AEBP1: variants seen among roughly 807,000 people sequenced by gnomAD.
AEBP1 encodes the protein AE binding protein 1.
In AEBP1, 69 loss-of-function variants were observed where a neutral mutation model predicts 116.5. That is an observed-to-expected ratio of 0.59 (90% CI 0.49 to 0.72). AEBP1 has a LOEUF of 0.72. Ranked by LOEUF, AEBP1 falls within the 30% of genes least tolerant of loss-of-function variation. The pLI is 0.00. For synonymous variants in AEBP1, 627 were observed against 627.3 expected, an observed-to-expected ratio of 1.00 and a Z score of 0.01; for missense variants, 1,444 against 1,557.5, an observed-to-expected ratio of 0.93 and a Z score of 1.23.
chr7:44,110,406 G>A, intron 11 of AEBP1, 60 bp downstream of exon 11: 1 of 1,610,204 alleles, frequency 6.2e-7, no homozygotes, highest in Non-Finnish European at 8.5e-7. Flanking sequence ...GCATGGCTCT[G>A]TGTCCCATTA....
rs773629322 is a variant in AEBP1, at chr7:44,112,997, A to G, written c.2576A>G (p.Asn859Ser). 11 of 1,613,886 alleles carry G rather than the reference A, an allele frequency of 6.8e-6. No individual in the cohort carries two copies. Among genetic ancestry groups the G allele is most frequent in the African/African-American group, 2.7e-5 (2 of 74,886 alleles). The change falls in exon 19 of 21, where the codon AAT becomes AGT. Residue 859 changes from asparagine to serine, a missense_variant. Coordinates refer to ENST00000223357, the MANE Select transcript of AEBP1 (RefSeq NM_001129.5). This position sits in a 1 kb window ranked among gnomAD's most constrained non-coding sequence, Gnocchi z 6.6. ...AKWNPRTGTI[N>S]DFSYLHTNCL... ...TGTATCTGTCCCCGGCCAGCTATCA[A>G]TGACTTCAGTTACCTGCATACCAAC...
chr7:44,111,702 C>T lies in AEBP1; in HGVS notation c.1840+72C>T, dbSNP rs778964416. On this transcript the variant is annotated intron_variant, in intron 15 of 20. Transcript: ENST00000223357. This position sits in a 1 kb window ranked among gnomAD's most constrained non-coding sequence, Gnocchi z 4.7. ...AGAGCTCACTGCCTCCCGCCTGTTC[C>T]GGAGCCTCTCTGGGGATTCTGGCTT... The T allele has an allele frequency of 3.3e-5, 52 of 1,590,066 alleles. No individual in the cohort carries two copies. Among genetic ancestry groups the T allele is most frequent in the East Asian group, 1.8e-4 (8 of 44,602 alleles).
intron 7 of AEBP1, 58 bp downstream of exon 7, chr7:44,109,034 G>A: frequency 6.2e-7 from 1 of 1,608,636 alleles, no homozygotes; most frequent in Admixed American, 1.7e-5. Context: ...CCTGGGGCCT[G>A]CCTGATCCAC....
At chr7:44,106,477 C>T in intron 1 of AEBP1, 69 bp from the exon 2 acceptor site, 1 of 1,464,068 alleles carries the variant, frequency 6.8e-7, no homozygotes, top group Non-Finnish European at 9.2e-7. Flanking sequence ...TTCTGGGCAT[C>T]TAGAGAGGGG....
chr7:44,113,531 G>C lies in AEBP1; in HGVS notation c.2810-63G>C. 6.8e-7 allele frequency: 1 copy of C among 1,470,520 alleles called. No homozygotes were observed. The highest frequency in any genetic ancestry group is 9.0e-7 in the Non-Finnish European group (1 of 1,107,352). 91.1% of individuals were successfully genotyped at this position (1,470,520 alleles called of 1,614,324 possible). On this transcript the variant is annotated intron_variant, in intron 20 of 20. Coordinates refer to ENST00000223357, the MANE Select transcript of AEBP1 (RefSeq NM_001129.5). This position sits in a 1 kb window ranked among gnomAD's most constrained non-coding sequence, Gnocchi z 5.3. ...GGAGGGCGGGGCTGGGGGCAGGACT[G>C]AGTGGGAGGGTGGGGGCCTGGGAGG...
In AEBP1 at chr7:44,111,724, G is replaced by A; in HGVS notation, c.1840+94G>A. 1.3e-6 allele frequency: 2 copies of A among 1,569,304 alleles called. No individual in the cohort carries two copies. The highest frequency in any genetic ancestry group is 1.7e-6 in the Non-Finnish European group (2 of 1,157,332). Reference sequence around the variant, plus strand: ...TTCCGGAGCCTCTCTGGGGATTCTGGCTTGTCTTACAGGGCCCTAGGAGCC... The same window carrying A: ...TTCCGGAGCCTCTCTGGGGATTCTGACTTGTCTTACAGGGCCCTAGGAGCC... On this transcript the variant is annotated intron_variant, in intron 15 of 20. Coordinates refer to ENST00000223357, the MANE Select transcript of AEBP1 (RefSeq NM_001129.5). This position sits in a 1 kb window ranked among gnomAD's most constrained non-coding sequence, Gnocchi z 4.7.
In AEBP1 at chr7:44,107,295, C is replaced by A; in HGVS notation, c.596-144C>A. On this transcript the variant is annotated intron_variant, in intron 2 of 20. Transcript: ENST00000223357. This position sits in a 1 kb window ranked among gnomAD's most constrained non-coding sequence, Gnocchi z 4.3. Reference sequence around the variant, plus strand: ...AGCAGGATGCTGAAGGCCAGAGGAGCTCAGGCCTCCTTGGAGTGAGCTCGG... The same window carrying A: ...AGCAGGATGCTGAAGGCCAGAGGAGATCAGGCCTCCTTGGAGTGAGCTCGG... 1 of 771,022 alleles carries A rather than the reference C, an allele frequency of 1.3e-6. No homozygotes were observed. Among genetic ancestry groups the A allele is most frequent in the Non-Finnish European group, 2.1e-6 (1 of 467,714 alleles). 47.8% of individuals were successfully genotyped at this position (771,022 alleles called of 1,614,324 possible).
chr7:44,110,488 C>A, intron 11 of AEBP1, 142 bp downstream of exon 11: 3 of 1,278,518 alleles, frequency 2.3e-6, no homozygotes, highest in Non-Finnish European at 3.2e-6. Flanking sequence ...ACTCACCCTG[C>A]CCATCCCCAC....
chr7:44,112,317 C>G lies in AEBP1; in HGVS notation c.2213C>G (p.Ala738Gly), dbSNP rs1360578790. ...PIPERYLSPD[A>G]TVSTEVRAII... ...CCTGAACGCTACCTTTCGCCAGATG[C>G]CACGGTGAGGCTACAGCCTGGCTGA... Residue 738 changes from alanine (A) to glycine (G), a missense_variant, in exon 17 of 21, where the codon GCC becomes GGC. Coordinates refer to ENST00000223357, the MANE Select transcript of AEBP1 (RefSeq NM_001129.5). The surrounding 1 kb of genome is among the most constrained non-coding windows in gnomAD (Gnocchi z 6.6). 12 of 1,545,798 alleles carry G rather than the reference C, an allele frequency of 7.8e-6. No individual in the cohort carries two copies. Among genetic ancestry groups the G allele is most frequent in the African/African-American group, 2.8e-5 (2 of 72,608 alleles).
Position 44,112,958 on chromosome 7 carries a change from G to C in AEBP1, c.2570-33G>C. 6.2e-7 allele frequency: 1 copy of C among 1,613,040 alleles called. No homozygotes were observed. Among genetic ancestry groups the C allele is most frequent in the African/African-American group, 1.3e-5 (1 of 74,970 alleles). ...TGGGCGGGGCCTGGTCCGGAGAGGGGCTGACTTTGGGTCTGTATCTGTCCC... is the reference window on the plus strand; with the variant it reads ...TGGGCGGGGCCTGGTCCGGAGAGGGCCTGACTTTGGGTCTGTATCTGTCCC... On this transcript the variant is annotated intron_variant, in intron 18 of 20. Transcript: ENST00000223357. The surrounding 1 kb of genome is among the most constrained non-coding windows in gnomAD (Gnocchi z 6.6).
chr7:44,113,161 G>A lies in AEBP1; in HGVS notation c.2709+31G>A, dbSNP rs2096231834. The A allele has an allele frequency of 1.2e-6, 2 of 1,613,604 alleles. No homozygotes were observed. Among genetic ancestry groups the A allele is most frequent in the Middle Eastern group, 1.6e-4 (1 of 6,062 alleles). On this transcript the variant is annotated intron_variant, in intron 19 of 20. Coordinates refer to ENST00000223357, the MANE Select transcript of AEBP1 (RefSeq NM_001129.5). This position sits in a 1 kb window ranked among gnomAD's most constrained non-coding sequence, Gnocchi z 5.3. ...GTGGCTAGGGCAATGCCTGGGGAGA[G>A]GAGGCTGCACAGGCTCCTGGATGGG...
rs765774763 is a variant in AEBP1 at position 44,114,172 on chromosome 7, GAGGAGGAGA to G, written c.3390_3398del (p.Lys1133_Glu1135del). The G allele has an allele frequency of 1.5e-4, 247 of 1,614,044 alleles. 2 individuals carry two copies. The highest frequency in any genetic ancestry group is 1.1e-3 in the African/African-American group (84 of 75,040). ...GGAACCCGAGTTTGAGGAAGAGGAG[GAGGAGGAGA>G]AAGAGGAGGAGATAGCCACTGGCCA... On this transcript the variant is annotated inframe_deletion, in exon 21 of 21. Coordinates refer to ENST00000223357, the MANE Select transcript of AEBP1 (RefSeq NM_001129.5).
At chr7:44,109,211 G>A (rs757250384) in intron 8 of AEBP1, 27 bp downstream of exon 8, 44 of 1,612,954 alleles carry the variant, frequency 2.7e-5, no homozygotes, top group Non-Finnish European at 3.5e-5. Context: ...TGGGGCCTGG[G>A]TCCCTGTGGG....
In AEBP1 at chr7:44,111,002, C is replaced by T; in HGVS notation, c.1575C>T (p.Leu525=). The part of the protein sequence containing the change: ...VVARFIRIYP[L]TWNGSLCMRL... The stretch of plus-strand genomic sequence containing the variant: ...CTCGTTTCATCCGCATCTACCCACT[C>T]ACCTGGAATGGCAGCCTGTGCATGC... Residue 525 remains leucine, a synonymous_variant, in exon 13 of 21, where the codon CTC becomes CTT. Transcript: ENST00000223357. This position sits in a 1 kb window ranked among gnomAD's most constrained non-coding sequence, Gnocchi z 4.7. 2 of 1,613,924 alleles carry T rather than the reference C, an allele frequency of 1.2e-6. No homozygotes were observed. The highest frequency in any genetic ancestry group is 1.7e-6 in the Non-Finnish European group (2 of 1,179,936).
In AEBP1 at chr7:44,108,159, G is replaced by T; in HGVS notation, c.940+75G>T. The stretch of plus-strand genomic sequence containing the variant: ...GGGGCTGGGGTGTGGTCAGGAGCCA[G>T]CTGGGGCAACTCACCCACCTTGCAA... On this transcript the variant is annotated intron_variant, in intron 6 of 20. Transcript: ENST00000223357. The surrounding 1 kb of genome is among the most constrained non-coding windows in gnomAD (Gnocchi z 5.0). 1 of 1,448,512 alleles carries T rather than the reference G, an allele frequency of 6.9e-7. No homozygotes were observed. Among genetic ancestry groups the T allele is most frequent in the Non-Finnish European group, 9.4e-7 (1 of 1,060,090 alleles). 89.7% of individuals were successfully genotyped at this position (1,448,512 alleles called of 1,614,324 possible).
At position 44,111,372 on chromosome 7, in the gene AEBP1, G is replaced by A. The variant is rs1229073041; in HGVS notation, c.1716+133G>A. On this transcript the variant is annotated intron_variant, in intron 14 of 20. Transcript: ENST00000223357. The surrounding 1 kb of genome is among the most constrained non-coding windows in gnomAD (Gnocchi z 4.7). ...GCTGGCTGTCCCTCACCTTAGGAAG[G>A]AGGCCAGTACCTGGGGGCTGCGTGA... The A allele has an allele frequency of 1.4e-6, 2 of 1,416,182 alleles. No homozygotes were observed. Among genetic ancestry groups the A allele is most frequent in the Admixed American group, 2.8e-5 (1 of 35,270 alleles). 87.7% of individuals were successfully genotyped at this position (1,416,182 alleles called of 1,614,324 possible).
intron 1 of AEBP1, chr7:44,106,166 C>T: frequency 2.1e-6 from 1 of 478,416 alleles, no homozygotes; most frequent in East Asian, 6.2e-5. Flanking sequence ...TGACCAGATG[C>T]TCCTCCAGGC....
At chr7:44,109,931 G>C (rs1256936289) in intron 9 of AEBP1, 84 bp from the exon 10 acceptor site, 17 of 1,273,728 alleles carry the variant, frequency 1.3e-5, no homozygotes, top group Non-Finnish European at 1.9e-5. Flanking sequence ...TGTGCCGGGA[G>C]TGGGCTCTGG....
Position 44,113,409 on chromosome 7 carries a change from T to A in AEBP1, c.2809+58T>A. The stretch of plus-strand genomic sequence containing the variant: ...CTGAGGGAGGACCCGCCAGAGAGGG[T>A]GGGGGCTTGAGGAACTCAGCGAGCA... On this transcript the variant is annotated intron_variant, in intron 20 of 20. Transcript: ENST00000223357. This position sits in a 1 kb window ranked among gnomAD's most constrained non-coding sequence, Gnocchi z 5.3. 6.6e-7 allele frequency: 1 copy of A among 1,513,930 alleles called. No individual in the cohort carries two copies. The highest frequency in any genetic ancestry group is 8.9e-7 in the Non-Finnish European group (1 of 1,119,500). 93.8% of individuals were successfully genotyped at this position (1,513,930 alleles called of 1,614,324 possible).
Sources: allele counts gnomAD v4.1 joint callset, GRCh38; gene constraint gnomAD v4.1.1; non-coding constraint Gnocchi (gnomAD v3.1); transcripts MANE v1.5; gene names NCBI Gene and HGNC (gene_info 2026-07-23, HGNC 2026-07-21).